Variants in HK1 observed in about 807,000 individuals in gnomAD.
HK1 encodes hexokinase-1.
Under a neutral mutation model 91.6 loss-of-function variants are expected in HK1, and 28 were observed. The observed-to-expected ratio is 0.31, with a 90% CI of 0.23 to 0.42. The LOEUF (loss-of-function observed/expected upper bound fraction) is 0.42, where lower values mean the gene tolerates loss of function less well. HK1 is among the 10% of genes least tolerant of loss of function. The probability of loss-of-function intolerance (pLI) is 1.00; values close to 1 mark genes in which losing one functional copy is unlikely to be tolerated. For synonymous variants in HK1, 430 were observed against 468.1 expected, an observed-to-expected ratio of 0.92 and a Z score of 1.05; for missense variants, 770 against 1,219.8, an observed-to-expected ratio of 0.63 and a Z score of 5.49.
intron 15 of HK1, among the ~76,000 whole-genome samples, chr10:69,393,849 C>CTGT (rs1351909172): frequency 6.6e-6 from 1 of 152,108 alleles, no homozygotes; most frequent in Non-Finnish European, 1.5e-5. Context: ...TTGAGACCAC[C>CTGT]CTGGGCAACA....
chr10:69,293,855 CTTTTTTTTTT>C (rs34434447), intron 3 of HK1, among the ~76,000 whole-genome samples: 4 of 98,982 alleles, frequency 4.0e-5, no homozygotes, highest in Non-Finnish European at 3.8e-5. Context: ...ATATTTCTTT[CTTTTTTTTTT>C]TTTTTTTTTT....
rs116700491 is a variant in HK1 at position 69,374,620 on chromosome 10, G to A, written c.876-2314G>A. 3.9e-3 allele frequency among the ~76,000 whole-genome samples: 600 copies of A among 152,354 alleles called. 2 individuals carry two copies. The highest frequency in any genetic ancestry group is 0.01 in the Middle Eastern group (3 of 294). On this transcript the variant is annotated intron_variant, in intron 7 of 17. Transcript: ENST00000359426. Reference sequence around the variant, plus strand: ...CCTTGGTTTGAACAGAGAGAAGCTCGTGAGAGGTGCTATTTGCTTGTTCTG... The same window carrying A: ...CCTTGGTTTGAACAGAGAGAAGCTCATGAGAGGTGCTATTTGCTTGTTCTG...
rs762681219 is a variant in HK1, at chr10:69,379,925, T to C, written c.1095T>C (p.Asp365=). The change falls in exon 9 of 18, where the codon GAT becomes GAC. Residue 365 remains aspartate (D), a synonymous_variant. Transcript: ENST00000359426. The part of the protein sequence containing the change: ...ILTRLGVEPS[D]DDCVSVQHVC... ...CCCGCCTGGGAGTGGAGCCGTCCGATGATGACTGTGTCTCAGTCCAGCACG... is the reference window on the plus strand; with the variant it reads ...CCCGCCTGGGAGTGGAGCCGTCCGACGATGACTGTGTCTCAGTCCAGCACG... The C allele has an allele frequency of 7.4e-6, 12 of 1,614,222 alleles. No homozygotes were observed. The highest frequency in any genetic ancestry group is 8.5e-6 in the Non-Finnish European group (10 of 1,180,026).
intron 5 of HK1, among the ~76,000 whole-genome samples, chr10:69,304,769 T>C (rs1461000101): frequency 2.0e-5 from 3 of 152,202 alleles, no homozygotes; most frequent in East Asian, 3.8e-4. Context: ...TTCATGTTTG[T>C]GGGTCAGGAG....
At chr10:69,356,864 C>A in intron 2 of HK1, among the ~76,000 whole-genome samples, 1 of 113,086 alleles carries the variant, frequency 8.8e-6, no homozygotes, top group African/African-American at 3.7e-5. Context: ...AGCTGGGCAA[C>A]AGAGCGAAAC....
At chr10:69,325,467 C>G (rs1348467219) in intron 1 of HK1, among the ~76,000 whole-genome samples, 1 of 151,668 alleles carries the variant, frequency 6.6e-6, no homozygotes, top group Non-Finnish European at 1.5e-5. Flanking sequence ...AAGCGATTCT[C>G]CTGCCTCAGC....
At chr10:69,282,000 C>T (rs1436176460) in intron 1 of HK1, among the ~76,000 whole-genome samples, 3 of 152,106 alleles carry the variant, frequency 2.0e-5, no homozygotes, top group South Asian at 2.1e-4. Flanking sequence ...GCTACTTACC[C>T]GCTCTAAGCC....
At chr10:69,359,498 A>G (rs941204419) in intron 2 of HK1, among the ~76,000 whole-genome samples, 1 of 152,308 alleles carries the variant, frequency 6.6e-6, no homozygotes, top group Middle Eastern at 3.4e-3. Flanking sequence ...CACTGGGTGG[A>G]CCTCAGATGT....
rs148682312 is a variant in HK1 at position 69,351,621 on chromosome 10, GTCTC to G, written c.226+7638_226+7641del. Among the ~76,000 whole-genome samples, 896 of 152,356 alleles carry G rather than the reference GTCTC, an allele frequency of 5.9e-3. 8 individuals are homozygous for G. Among genetic ancestry groups the G allele is most frequent in the African/African-American group, 0.021 (864 of 41,580 alleles). Reference sequence around the variant, plus strand: ...GTGTAGCCATTCCTGATGTGCTGAAGTCTCTCTCTGGCCCCCACTTTCCTTGGGG... The same window carrying G: ...GTGTAGCCATTCCTGATGTGCTGAAGTCTCTGGCCCCCACTTTCCTTGGGG... On this transcript the variant is annotated intron_variant, in intron 2 of 17. Coordinates refer to ENST00000359426, the MANE Select transcript of HK1 (RefSeq NM_000188.3).
In HK1 at chr10:69,380,394, A is replaced by G. The variant is rs976387984; in HGVS notation, c.1265+299A>G. ...GGTCAGCGTCGCCCCCTTGGGAAGT[A>G]TCGCCCTTAGTCGATTCTTGCTGGT... On this transcript the variant is annotated intron_variant, in intron 9 of 17. Coordinates refer to ENST00000359426, the MANE Select transcript of HK1 (RefSeq NM_000188.3). The surrounding 1 kb of genome is among the most constrained non-coding windows in gnomAD (Gnocchi z 4.0). Among the ~76,000 whole-genome samples, 2 of 152,210 alleles carry G rather than the reference A, an allele frequency of 1.3e-5. No homozygotes were observed. Among genetic ancestry groups the G allele is most frequent in the Non-Finnish European group, 2.9e-5 (2 of 68,038 alleles).
At chr10:69,387,034 T>C (rs1839669879) in intron 13 of HK1, among the ~76,000 whole-genome samples, 1 of 152,156 alleles carries the variant, frequency 6.6e-6, no homozygotes, top group Non-Finnish European at 1.5e-5. Context: ...AGTTAGGCCT[T>C]GGTGTTCTCC....
chr10:69,328,221 G>A (rs1847492594), intron 1 of HK1, among the ~76,000 whole-genome samples: 1 of 152,202 alleles, frequency 6.6e-6, no homozygotes, highest in South Asian at 2.1e-4. Context: ...GAACCGTGAA[G>A]TCGGCGGCTC....
At chr10:69,387,624 T>G (rs990128132) in intron 13 of HK1, among the ~76,000 whole-genome samples, 3 of 152,052 alleles carry the variant, frequency 2.0e-5, no homozygotes, top group Non-Finnish European at 4.4e-5. Context: ...GCTCCAGTGA[T>G]CCTCCTGCCT....
At chr10:69,338,815 A>C in intron 1 of HK1, 2 of 758,036 alleles carry the variant, frequency 2.6e-6, no homozygotes, top group Non-Finnish European at 3.6e-6. Flanking sequence ...GGGGAAAAGG[A>C]AGGAGGAGAG....
At chr10:69,330,024 G>A (rs571365384) in intron 1 of HK1, among the ~76,000 whole-genome samples, 1 of 152,202 alleles carries the variant, frequency 6.6e-6, no homozygotes, top group South Asian at 2.1e-4. Context: ...GACCCCCCAG[G>A]AGGGCAATGC....
In HK1 at chr10:69,394,925, C is replaced by T. The variant is rs778233694; in HGVS notation, c.2220-25C>T. 1.9e-6 allele frequency: 3 copies of T among 1,613,636 alleles called. No individual in the cohort carries two copies. In the South Asian group the frequency reaches 3.3e-5, roughly 18 times the overall value. On this transcript the variant is annotated intron_variant, in intron 15 of 17. Transcript: ENST00000359426. ...TTCTCCTGGCCACTTCCCATAGACA[C>T]CCCAGGCCCCTCCTCCTGTCTCAGG...
Position 69,392,202 on chromosome 10 carries a change from A to C in HK1, c.2113A>C (p.Ile705Leu). ...MVEGDQGQMC[I>L]NMEWGAFGDN... ...GGAGGGGGACCAGGGGCAGATGTGC[A>C]TCAACATGGAGTGGGGGGCCTTTGG... The change falls in exon 15 of 18, where the codon ATC (isoleucine) becomes CTC (leucine). Residue 705 changes from isoleucine to leucine, a missense_variant. By Grantham distance (5) the Ile-to-Leu change is conservative. Around this residue, in one of 7 missense-constraint regions of HK1, gnomAD observed 152 missense variants for 211.1 expected, o/e 0.72. Transcript: ENST00000359426. 6.2e-7 allele frequency: 1 copy of C among 1,614,206 alleles called. No individual in the cohort carries two copies. Among genetic ancestry groups the C allele is most frequent in the Non-Finnish European group, 8.5e-7 (1 of 1,180,032 alleles).
At chr10:69,294,932 G>A (rs1845481500) in intron 3 of HK1, among the ~76,000 whole-genome samples, 1 of 151,618 alleles carries the variant, frequency 6.6e-6, no homozygotes, top group Admixed American at 6.6e-5. Context: ...GGGAGGGTGA[G>A]GTGGGAGGAT....
chr10:69,327,051 C>G (rs1304930753), intron 1 of HK1, among the ~76,000 whole-genome samples: 1 of 136,140 alleles, frequency 7.3e-6, no homozygotes, highest in Non-Finnish European at 1.5e-5. Flanking sequence ...GTTGCCCAGG[C>G]TGGAGTGCAG....
Sources: allele counts gnomAD v4.1 joint callset (sites outside exome capture counted in the v4.1 genomes callset), GRCh38; gene constraint gnomAD v4.1.1; regional missense constraint gnomAD v4.1.1; non-coding constraint Gnocchi (gnomAD v3.1); transcripts MANE v1.5; gene names NCBI Gene and HGNC (gene_info 2026-07-23, HGNC 2026-07-21).